KCNIP4: variants seen among roughly 807,000 people sequenced by gnomAD.
KCNIP4 encodes the protein potassium voltage-gated channel interacting protein 4.
Under a neutral mutation model 34.0 loss-of-function variants are expected in KCNIP4, and 12 were observed. That is an observed-to-expected ratio of 0.35 (90% CI 0.23 to 0.57). The LOEUF (loss-of-function observed/expected upper bound fraction) is 0.57. KCNIP4 is among the 20% of genes least tolerant of loss of function. The pLI is 0.83. For missense variants in KCNIP4, 238 were observed against 311.7 expected, an observed-to-expected ratio of 0.76 and a Z score of 1.78; for synonymous variants, 124 against 102.2, an observed-to-expected ratio of 1.21 and a Z score of -1.29.
chr4:21,758,018 G>A (rs1231338161), intron 1 of KCNIP4, among the ~76,000 whole-genome samples: 3 of 152,048 alleles, frequency 2.0e-5, no homozygotes, highest in African/African-American at 7.2e-5. Flanking sequence ...ATGACAATAA[G>A]ACCAACTCCC....
intron 1 of KCNIP4, among the ~76,000 whole-genome samples, chr4:21,355,321 TAG>T (rs1183556119): frequency 6.6e-6 from 1 of 151,652 alleles, no homozygotes; most frequent in Non-Finnish European, 1.5e-5. Flanking sequence ...CTGAAGGAAA[TAG>T]AGACACAAAA....
chr4:21,047,349 T>C (rs1166962441), intron 1 of KCNIP4, among the ~76,000 whole-genome samples: 2 of 152,224 alleles, frequency 1.3e-5, no homozygotes, highest in South Asian at 4.1e-4. Flanking sequence ...GATAATCTTA[T>C]GGATGTCATG....
chr4:21,550,307 A>T (rs1233451260), intron 1 of KCNIP4, among the ~76,000 whole-genome samples: 5 of 152,098 alleles, frequency 3.3e-5, no homozygotes, highest in Non-Finnish European at 7.4e-5. Context: ...TAACATTGGA[A>T]GCAATTCTGT....
At chr4:21,114,083 C>T (rs540960169) in intron 1 of KCNIP4, among the ~76,000 whole-genome samples, 132 of 152,280 alleles carry the variant, frequency 8.7e-4, no homozygotes, top group African/African-American at 3.1e-3. Context: ...TCAGTCTTAT[C>T]AGAGCTGTCC....
chr4:20,839,326 C>CTA (rs1184687884), intron 3 of KCNIP4, among the ~76,000 whole-genome samples: 5 of 151,766 alleles, frequency 3.3e-5, no homozygotes, highest in African/African-American at 7.3e-5. Flanking sequence ...AGATATAGAT[C>CTA]TATAGATATA....
intron 1 of KCNIP4, among the ~76,000 whole-genome samples, chr4:21,024,956 CTTATT>C: frequency 6.6e-6 from 1 of 152,210 alleles, no homozygotes; most frequent in South Asian, 2.1e-4. Context: ...AAGTGATCAT[CTTATT>C]TTATGTAATA....
intron 1 of KCNIP4, among the ~76,000 whole-genome samples, chr4:21,539,684 A>C (rs1045533405): frequency 6.6e-6 from 1 of 152,100 alleles, no homozygotes; most frequent in African/African-American, 2.4e-5. Flanking sequence ...ATGCTGTGTA[A>C]GAATTCTTTT....
intron 1 of KCNIP4, among the ~76,000 whole-genome samples, chr4:21,435,170 G>A (rs142292851): frequency 6.6e-6 from 1 of 152,232 alleles, no homozygotes; most frequent in Non-Finnish European, 1.5e-5. Context: ...GGTAAGGAGA[G>A]GAGCAAAAAA....
At chr4:21,631,970 C>T (rs182518711) in intron 1 of KCNIP4, among the ~76,000 whole-genome samples, 2 of 152,338 alleles carry the variant, frequency 1.3e-5, no homozygotes, top group Non-Finnish European at 2.9e-5. Context: ...AACTTCCCAT[C>T]CATTAAGAAT....
At chr4:21,552,030 GC>G (rs1738623091) in intron 1 of KCNIP4, among the ~76,000 whole-genome samples, 1 of 109,142 alleles carries the variant, frequency 9.2e-6, no homozygotes, top group African/African-American at 3.3e-5. Context: ...ACAAGGGAGA[GC>G]TTTTTTTAAA....
At chr4:21,744,168 T>A (rs972129433) in intron 1 of KCNIP4, among the ~76,000 whole-genome samples, 2 of 152,210 alleles carry the variant, frequency 1.3e-5, no homozygotes, top group African/African-American at 4.8e-5. Context: ...TATCTCCTCA[T>A]AAATCTAACC....
chr4:20,948,096 C>A (rs1184384760), intron 1 of KCNIP4, among the ~76,000 whole-genome samples: 3 of 152,202 alleles, frequency 2.0e-5, no homozygotes, highest in Non-Finnish European at 4.4e-5. Flanking sequence ...AGAAAGATAA[C>A]TCCTGCTTCT....
chr4:21,299,891 A>T (rs1764060674), intron 1 of KCNIP4, among the ~76,000 whole-genome samples: 1 of 152,158 alleles, frequency 6.6e-6, no homozygotes, highest in Admixed American at 6.5e-5. Context: ...TCTTGGGGGA[A>T]GCTTGTATTA....
chr4:21,060,071 A>C (rs569744538), intron 1 of KCNIP4, among the ~76,000 whole-genome samples: 15 of 152,254 alleles, frequency 9.9e-5, no homozygotes, highest in Admixed American at 9.8e-4. Flanking sequence ...AAAATGATAA[A>C]AATTTTGTTT....
intron 1 of KCNIP4, among the ~76,000 whole-genome samples, chr4:21,301,597 C>T (rs16870748): frequency 0.52 from 79,592 of 151,836 alleles, 21,391 homozygotes; most frequent in African/African-American, 0.65. Flanking sequence ...AACTCTCAGG[C>T]GAAAAGAAAT....
intron 1 of KCNIP4, among the ~76,000 whole-genome samples, chr4:21,733,955 A>G (rs565835306): frequency 1.4e-4 from 22 of 152,202 alleles, no homozygotes; most frequent in Non-Finnish European, 2.9e-4. Context: ...TCAGGAAAAG[A>G]CCTTGCAGAG....
At chr4:21,110,788 C>T (rs1208971679) in intron 1 of KCNIP4, among the ~76,000 whole-genome samples, 1 of 152,138 alleles carries the variant, frequency 6.6e-6, no homozygotes, top group African/African-American at 2.4e-5. Context: ...AGTTGGTTGC[C>T]TGTGGATCAT....
chr4:21,154,837 C>T (rs1287540234), intron 1 of KCNIP4, among the ~76,000 whole-genome samples: 2 of 152,100 alleles, frequency 1.3e-5, no homozygotes, highest in Non-Finnish European at 2.9e-5. Context: ...GGAATGTAAG[C>T]ATAATGGCTG....
At chr4:21,915,806 T>C (rs1560179918) in intron 1 of KCNIP4, among the ~76,000 whole-genome samples, 1 of 152,242 alleles carries the variant, frequency 6.6e-6, no homozygotes. Flanking sequence ...AAGTATGTCA[T>C]GTTCTTTTTT....
Sources: gnomAD v4.1 joint callset for allele counts (sites outside exome capture counted in the v4.1 genomes callset) on GRCh38, gnomAD v4.1.1 for gene constraint, MANE v1.5 for transcripts, NCBI Gene and HGNC (gene_info 2026-07-23, HGNC 2026-07-21) for gene names.